The following TRAF4 variants were observed in gnomAD, a reference collection of about 807,000 sequenced individuals.
TRAF4 encodes TNF receptor-associated factor 4.
A neutral mutation model predicts 47.3 loss-of-function variants in TRAF4; 9 were observed. The observed-to-expected ratio is 0.19, with a 90% confidence interval of 0.11 to 0.33. The LOEUF is 0.33. Ranked by LOEUF, TRAF4 falls within the 10% of genes least tolerant of loss-of-function variation. The probability of loss-of-function intolerance (pLI) is 1.00; values close to 1 mark genes in which losing one functional copy is unlikely to be tolerated. For synonymous variants in TRAF4, 236 were observed against 236.9 expected (o/e 1.00, Z 0.04); for missense variants, 448 against 620.3 (o/e 0.72, Z 2.95).
chr17:28,746,105 G>A (rs1451018483), intron 1 of TRAF4, among the ~76,000 whole-genome samples: 1 of 152,214 alleles, frequency 6.6e-6, no homozygotes, highest in Admixed American at 6.5e-5. Flanking sequence ...GAAATCCTTG[G>A]GGCAGTTGGG....
chr17:28,749,120 G>A lies in TRAF4; in HGVS notation c.956G>A (p.Arg319Gln), dbSNP rs773097224. 31 of 1,613,990 alleles carry A rather than the reference G, an allele frequency of 1.9e-5. No individual in the cohort carries two copies. Among genetic ancestry groups the A allele is most frequent in the African/African-American group, 2.7e-5 (2 of 74,954 alleles). Residue 319 changes from arginine to glutamine, a missense_variant, in exon 7 of 7, where the codon CGG (arginine) becomes CAG (glutamine). Physicochemically the swap from Arg to Gln is conservative, Grantham distance 43 (BLOSUM62 1). Transcript: ENST00000262395. ...VLIWKIGSYGRRLQEAKAKPN... is the reference protein window; with the variant it reads ...VLIWKIGSYGQRLQEAKAKPN... ...ATCTGGAAGATTGGCAGCTATGGAC[G>A]GCGGCTACAGGAGGCCAAGGCCAAG...
At position 28,747,929 on chromosome 17, in the gene TRAF4, G is replaced by A. The variant is rs1364189988; in HGVS notation, c.282G>A (p.Gly94=). The A allele has an allele frequency of 6.2e-7, 1 of 1,614,028 alleles. No individual in the cohort carries two copies. The highest frequency in any genetic ancestry group is 8.5e-7 in the Non-Finnish European group (1 of 1,180,022). Residue 94 remains glycine (G), a synonymous_variant, in exon 3 of 7, where the codon GGG becomes GGA. Coordinates refer to ENST00000262395, the MANE Select transcript of TRAF4 (RefSeq NM_004295.4). ...GTGAGGAGGGCTGCCGCTGGAGTGG[G>A]CCACTACGTCATCTACAGGTGAGGC... is the stretch of plus-strand genomic sequence containing the variant. ...IHSEEGCRWS[G]PLRHLQGHLN...
chr17:28,749,692 T>C lies in TRAF4; in HGVS notation c.*115T>C. 2 of 1,516,390 alleles carry C rather than the reference T, an allele frequency of 1.3e-6. No homozygotes were observed. Among genetic ancestry groups the C allele is most frequent in the Non-Finnish European group, 1.8e-6 (2 of 1,122,434 alleles). 93.9% of individuals were successfully genotyped at this position (1,516,390 alleles called of 1,614,324 possible). A position where few individuals can be genotyped will look rare whatever the true frequency, so the allele number is the denominator to read the frequency against. On this transcript the variant is annotated 3_prime_UTR_variant, in exon 7 of 7. Transcript: ENST00000262395. ...GCTGCTTCTGCTGCCTAGGTTCTGT[T>C]ACCCCATCCTCCCTCCCCCAGCCAC...
chr17:28,746,420 G>C (rs897447004), intron 1 of TRAF4, among the ~76,000 whole-genome samples: 1 of 152,246 alleles, frequency 6.6e-6, no homozygotes, highest in Non-Finnish European at 1.5e-5. Flanking sequence ...CTAGCAGGAG[G>C]GGACGGTCAC....
chr17:28,750,782 T>G lies in TRAF4; in HGVS notation c.*1205T>G, dbSNP rs1278450599. On this transcript the variant is annotated 3_prime_UTR_variant, in exon 7 of 7. Coordinates refer to ENST00000262395, the MANE Select transcript of TRAF4 (RefSeq NM_004295.4). ...GGTTCGGACAGGGCCTCGATTCTGT[T>G]TTAAACTCCAGTAGTCCCTAGAAAT... 6.6e-6 allele frequency: 1 copy of G among 152,208 alleles called. No individual in the cohort carries two copies. Among genetic ancestry groups the G allele is most frequent in the African/African-American group, 2.4e-5 (1 of 41,442 alleles). 9.4% of individuals were successfully genotyped at this position (152,208 alleles called of 1,614,324 possible).
intron 1 of TRAF4, among the ~76,000 whole-genome samples, chr17:28,746,218 A>C (rs1229783937): frequency 6.6e-6 from 1 of 152,104 alleles, no homozygotes; most frequent in Non-Finnish European, 1.5e-5. Flanking sequence ...CCTGACTCAG[A>C]CCTGCCAGGA....
At position 28,750,654 on chromosome 17, in the gene TRAF4, T is replaced by C. The variant is rs1408698176; in HGVS notation, c.*1077T>C. Reference sequence around the variant, plus strand: ...AGGCACTTGGATTTTCTCCTGTCTCTCATCGGCTTTTCTTAACGGGCCTCA... The same window carrying C: ...AGGCACTTGGATTTTCTCCTGTCTCCCATCGGCTTTTCTTAACGGGCCTCA... On this transcript the variant is annotated 3_prime_UTR_variant, in exon 7 of 7. Transcript: ENST00000262395. The C allele has an allele frequency of 6.8e-6, 1 of 146,756 alleles. No individual in the cohort carries two copies. Among genetic ancestry groups the C allele is most frequent in the Admixed American group, 6.9e-5 (1 of 14,524 alleles). 9.1% of individuals were successfully genotyped at this position (146,756 alleles called of 1,614,324 possible).
rs1313589152 is a variant in TRAF4, at chr17:28,744,145, G to C, written c.33G>C (p.Lys11Asn). Residue 11 changes from lysine (K) to asparagine (N), a missense_variant, in exon 1 of 7, where the codon AAG (lysine) becomes AAC (asparagine). Physicochemically the swap from Lys to Asn is moderately conservative, Grantham distance 94. Transcript: ENST00000262395. MPGFDYKFLE[K>N]PKRRLLCPLC... ...GCTTCGACTACAAGTTCCTGGAGAA[G>C]CCCAAGCGACGGCTGCTGTGCCCAC... is the stretch of plus-strand genomic sequence containing the variant. 1 of 1,592,570 alleles carries C rather than the reference G, an allele frequency of 6.3e-7. No homozygotes were observed. The highest frequency in any genetic ancestry group is 1.7e-5 in the Admixed American group (1 of 59,634).
At position 28,748,925 on chromosome 17, in the gene TRAF4, G is replaced by T. The variant is rs756248539; in HGVS notation, c.781-20G>T. The T allele has an allele frequency of 6.3e-7, 1 of 1,596,872 alleles. No homozygotes were observed. The highest frequency in any genetic ancestry group is 2.2e-5 in the East Asian group (1 of 44,778). On this transcript the variant is annotated intron_variant, in intron 6 of 6. Coordinates refer to ENST00000262395, the MANE Select transcript of TRAF4 (RefSeq NM_004295.4). ...GATAACTCTCCTCCCTTCCCCCATGGCCTGGGGCTTTGCCAACAGTGCCCT... is the reference window on the plus strand; with the variant it reads ...GATAACTCTCCTCCCTTCCCCCATGTCCTGGGGCTTTGCCAACAGTGCCCT...
Position 28,748,545 on chromosome 17 carries a change from C to T in TRAF4, c.659C>T (p.Ala220Val), listed in dbSNP as rs753692773. Residue 220 changes from alanine to valine, a missense_variant, in exon 6 of 7, where the codon GCC becomes GTC. Coordinates refer to ENST00000262395, the MANE Select transcript of TRAF4 (RefSeq NM_004295.4). Reference protein sequence around the residue: ...HQYQCPRLPVACPNQCGVGTV... With the variant: ...HQYQCPRLPVVCPNQCGVGTV... ...TACCAGTGCCCAAGGCTGCCTGTTGCCTGCCCCAACCAATGTGGTGTGGGC... is the reference window on the plus strand; with the variant it reads ...TACCAGTGCCCAAGGCTGCCTGTTGTCTGCCCCAACCAATGTGGTGTGGGC... 54 of 1,613,402 alleles carry T rather than the reference C, an allele frequency of 3.3e-5. No individual in the cohort carries two copies. Among genetic ancestry groups the T allele is most frequent in the Non-Finnish European group, 8.5e-7 (1 of 1,179,966 alleles).
At position 28,749,298 on chromosome 17, in the gene TRAF4, T is replaced by G. The variant is rs1208999112; in HGVS notation, c.1134T>G (p.Leu378=). ...RVLPGAFDNL[L]EWPFARRVTF... ...TGCCTGGTGCCTTTGACAATCTCCTTGAGTGGCCCTTTGCCCGCCGTGTCA... is the reference window on the plus strand; with the variant it reads ...TGCCTGGTGCCTTTGACAATCTCCTGGAGTGGCCCTTTGCCCGCCGTGTCA... The change falls in exon 7 of 7, where the codon CTT becomes CTG. Residue 378 remains leucine, a synonymous_variant. Coordinates refer to ENST00000262395, the MANE Select transcript of TRAF4 (RefSeq NM_004295.4). 1.7e-5 allele frequency: 27 copies of G among 1,614,042 alleles called. No individual in the cohort carries two copies. The highest frequency in any genetic ancestry group is 2.0e-5 in the Non-Finnish European group (24 of 1,180,022).
chr17:28,747,178 T>G, intron 1 of TRAF4, 35 bp from the exon 2 acceptor site: 13 of 1,608,594 alleles, frequency 8.1e-6, no homozygotes, highest in Non-Finnish European at 1.0e-5. Flanking sequence ...TTTCCCCTAA[T>G]GAGAAACCTT....
At chr17:28,748,487 G>C (rs775959523) in intron 5 of TRAF4, 24 bp from the exon 6 acceptor site, 4 of 1,610,776 alleles carry the variant, frequency 2.5e-6, no homozygotes, top group Non-Finnish European at 3.4e-6. Flanking sequence ...ATTGACTCCT[G>C]CCTCTCTACT....
chr17:28,747,138 C>T, intron 1 of TRAF4, 75 bp from the exon 2 acceptor site: 1 of 1,548,998 alleles, frequency 6.5e-7, no homozygotes, highest in Non-Finnish European at 8.8e-7. Flanking sequence ...GGGAGGCTGC[C>T]TCAGTGGAGG....
chr17:28,750,028 G>T lies in TRAF4; in HGVS notation c.*451G>T. 1.7e-6 allele frequency: 1 copy of T among 601,662 alleles called. No individual in the cohort carries two copies. Among genetic ancestry groups the T allele is most frequent in the Non-Finnish European group, 3.0e-6 (1 of 335,720 alleles). The allele number at this position is 601,662 out of a possible 1,614,324, so 37.3% of individuals were successfully genotyped here. On this transcript the variant is annotated 3_prime_UTR_variant, in exon 7 of 7. Transcript: ENST00000262395. ...GTTATTTATTTCCTTAGTGCCAGGA[G>T]GGCACAGCAGGGGAGCCCTGATTTT...
chr17:28,744,711 G>C (rs1430866442), intron 1 of TRAF4: 1 of 166,382 alleles, frequency 6.0e-6, no homozygotes, highest in South Asian at 1.2e-4. Flanking sequence ...ATCATGAAAC[G>C]AGATTCAAAG....
intron 1 of TRAF4, among the ~76,000 whole-genome samples, chr17:28,746,521 G>T (rs892966397): frequency 5.3e-5 from 8 of 152,246 alleles, no homozygotes; most frequent in African/African-American, 1.9e-4. Context: ...CCTTGTGTGT[G>T]TGGTGTAGTA....
rs764138713 is a variant in TRAF4, at chr17:28,747,897, A to C, written c.250A>C (p.Ile84Leu). Residue 84 changes from isoleucine (I) to leucine (L), a missense_variant, in exon 3 of 7, where the codon ATC becomes CTC. Ile to Leu is a conservative substitution (Grantham distance 5, BLOSUM62 2). Transcript: ENST00000262395. The part of the protein sequence containing the change: ...VQVLGLPIRC[I>L]HSEEGCRWSG... ...AGTATTGGGCCTGCCTATCCGCTGC[A>C]TCCACAGTGAGGAGGGCTGCCGCTG... 1.2e-6 allele frequency: 2 copies of C among 1,613,982 alleles called. No individual in the cohort carries two copies. The highest frequency in any genetic ancestry group is 2.2e-5 in the East Asian group (1 of 44,886).
chr17:28,744,197 G>C lies in TRAF4; in HGVS notation c.85G>C (p.Val29Leu). Residue 29 changes from valine to leucine, a missense_variant, in exon 1 of 7, where the codon GTG becomes CTG. Val to Leu is a conservative substitution (Grantham distance 32). Coordinates refer to ENST00000262395, the MANE Select transcript of TRAF4 (RefSeq NM_004295.4). ...GTGCGGGAAGCCCATGCGCGAGCCTGTGCAGGTTTCCACCTGCGGCCACCG... is the reference window on the plus strand; with the variant it reads ...GTGCGGGAAGCCCATGCGCGAGCCTCTGCAGGTTTCCACCTGCGGCCACCG... ...PLCGKPMREP[V>L]QVSTCGHRFC... 2 of 1,597,012 alleles carry C rather than the reference G, an allele frequency of 1.3e-6. No individual in the cohort carries two copies. Among genetic ancestry groups the C allele is most frequent in the Non-Finnish European group, 1.7e-6 (2 of 1,178,268 alleles).
Sources: gnomAD v4.1 joint callset for allele counts (sites outside exome capture counted in the v4.1 genomes callset) on GRCh38, gnomAD v4.1.1 for gene constraint, MANE v1.5 for transcripts, NCBI Gene and HGNC (gene_info 2026-07-23, HGNC 2026-07-21) for gene names.